VPS33B: variants seen among roughly 807,000 people sequenced by gnomAD.
The protein encoded by VPS33B is vacuolar protein sorting-associated protein 33B.
A neutral mutation model predicts 95.3 loss-of-function variants in VPS33B; 80 were observed. The observed-to-expected ratio is 0.84, with a 90% CI of 0.70 to 1.01. The LOEUF is 1.01. Among genes scored for constraint, VPS33B ranks in the 50% least tolerant of loss-of-function variants. The pLI is 0.00. For synonymous variants in VPS33B, 280 were observed against 280.4 expected (o/e 1.00, Z 0.01); for missense variants, 715 against 773.4 (o/e 0.92, Z 0.90).
chr15:91,009,300 C>T lies in VPS33B; in HGVS notation c.403+501G>A, dbSNP rs78599235. On this transcript the variant is annotated intron_variant, in intron 6 of 22. Coordinates refer to ENST00000333371, the MANE Select transcript of VPS33B (RefSeq NM_018668.5). This position sits in a 1 kb window ranked among gnomAD's most constrained non-coding sequence, Gnocchi z 4.1. ...CTTTTCTTTTATTTTCTTTCTCTCT[C>T]TCTTTCTTTCTTCCTTCCTTCCTTT... Among the ~76,000 whole-genome samples the T allele has an allele frequency of 7.3e-5, 11 of 150,542 alleles. No homozygotes were observed. Among genetic ancestry groups the T allele is most frequent in the Admixed American group, 3.3e-4 (5 of 15,060 alleles).
In VPS33B at chr15:91,006,245, C is replaced by A; in HGVS notation, c.852+127G>T. The A allele has an allele frequency of 6.9e-7, 1 of 1,446,752 alleles. No homozygotes were observed. The highest frequency in any genetic ancestry group is 9.7e-7 in the Non-Finnish European group (1 of 1,030,946). 89.6% of individuals were successfully genotyped at this position (1,446,752 alleles called of 1,614,324 possible). On this transcript the variant is annotated intron_variant, in intron 11 of 22. Transcript: ENST00000333371. The surrounding 1 kb of genome is among the most constrained non-coding windows in gnomAD (Gnocchi z 5.4). ...AGATGCTCTGAACTGGTGGGGAAACCCTCTCTCCCATAGACTCAGCCTCCC... is the reference window on the plus strand; with the variant it reads ...AGATGCTCTGAACTGGTGGGGAAACACTCTCTCCCATAGACTCAGCCTCCC...
chr15:91,009,941 T>C lies in VPS33B; in HGVS notation c.358-95A>G, dbSNP rs985678849. The C allele has an allele frequency of 7.7e-6, 11 of 1,435,692 alleles. No individual in the cohort carries two copies. Among genetic ancestry groups the C allele is most frequent in the Admixed American group, 3.4e-5 (2 of 58,626 alleles). 88.9% of individuals were successfully genotyped at this position (1,435,692 alleles called of 1,614,324 possible). On this transcript the variant is annotated intron_variant, in intron 5 of 22. Transcript: ENST00000333371. The surrounding 1 kb of genome is among the most constrained non-coding windows in gnomAD (Gnocchi z 4.1). ...CTGTGGTCACTGATGAGGACAATAA[T>C]TGCCGAACCCAGTGAAAGACAAGAG...
At chr15:91,003,178 G>T in intron 16 of VPS33B, 47 bp from the exon 17 acceptor site, 8 of 1,595,766 alleles carry the variant, frequency 5.0e-6, no homozygotes, top group Non-Finnish European at 6.9e-6. Flanking sequence ...GAGGCCGGCA[G>T]AGGCACCCTA....
At position 91,000,432 on chromosome 15, in the gene VPS33B, A is replaced by G. The variant is rs1188711537; in HGVS notation, c.1581+58T>C. The G allele has an allele frequency of 4.1e-6, 6 of 1,481,238 alleles. No homozygotes were observed. The highest frequency in any genetic ancestry group is 5.6e-6 in the Non-Finnish European group (6 of 1,070,474). 91.8% of individuals were successfully genotyped at this position (1,481,238 alleles called of 1,614,324 possible). On this transcript the variant is annotated intron_variant, in intron 20 of 22. Transcript: ENST00000333371. This position sits in a 1 kb window ranked among gnomAD's most constrained non-coding sequence, Gnocchi z 4.9. ...AAAAAAACATTGAGACACGCCAGGG[A>G]CCAAGAGAAAGCAGAGAGAATGAAA...
Position 91,007,574 on chromosome 15 carries a change from C to T in VPS33B, c.499-1G>A. 1 of 1,613,878 alleles carries T rather than the reference C, an allele frequency of 6.2e-7. No individual in the cohort carries two copies. The highest frequency in any genetic ancestry group is 8.5e-7 in the Non-Finnish European group (1 of 1,179,898). On this transcript the variant is annotated splice_acceptor_variant, in intron 7 of 22. Transcript: ENST00000333371. LOFTEE classifies it high-confidence loss of function. The surrounding 1 kb of genome is among the most constrained non-coding windows in gnomAD (Gnocchi z 5.3). ...TGTTGATCCAACGCTGATCTCCTTC[C>T]TGCAGGGACCACACAAGCCACAAAG...
Position 90,999,033 on chromosome 15 carries a change from G to T in VPS33B, c.1796C>A (p.Thr599Lys), listed in dbSNP as rs576626726. The change falls in exon 23 of 23, where the codon ACG becomes AAG. Residue 599 changes from threonine (T) to lysine (K), a missense_variant. Coordinates refer to ENST00000333371, the MANE Select transcript of VPS33B (RefSeq NM_018668.5). This position sits in a 1 kb window ranked among gnomAD's most constrained non-coding sequence, Gnocchi z 5.1. ...REKGYRFIFL[T>K]TAVTNSARLM... The stretch of plus-strand genomic sequence containing the variant: ...GCGAGCGCTGTTTGTGACTGCTGTC[G>T]TCAGGAAAATGAACCTGTAGCCTAA... 13 of 1,614,026 alleles carry T rather than the reference G, an allele frequency of 8.1e-6. No individual in the cohort carries two copies. In the South Asian group the frequency reaches 1.4e-4, roughly 18 times the overall value.
rs1198081998 is a variant in VPS33B at position 91,005,188 on chromosome 15, GTC to G, written c.1106-71_1106-70del. The G allele has an allele frequency of 2.5e-6, 4 of 1,613,422 alleles. No individual in the cohort carries two copies. In the African/African-American group the frequency reaches 5.3e-5, roughly 22 times the overall value. ...GCTGCTGCCATCTATGCTAACAGGT[GTC>G]TGTCTCCCCATCTCTTTCTCCATCC... On this transcript the variant is annotated intron_variant, in intron 14 of 22. Coordinates refer to ENST00000333371, the MANE Select transcript of VPS33B (RefSeq NM_018668.5). The surrounding 1 kb of genome is among the most constrained non-coding windows in gnomAD (Gnocchi z 6.4).
intron 1 of VPS33B, among the ~76,000 whole-genome samples, chr15:91,021,414 T>C (rs1413088138): frequency 6.6e-6 from 1 of 152,208 alleles, no homozygotes. Flanking sequence ...AACTTAAAAA[T>C]CCATCACTTT....
rs2041131941 is a variant in VPS33B at position 91,022,396 on chromosome 15, C to T, written c.-147G>A. On this transcript the variant is annotated 5_prime_UTR_variant, in exon 1 of 23. Transcript: ENST00000333371. The stretch of plus-strand genomic sequence containing the variant: ...CAGATGGGCCCTCGCTCCTCAGCAG[C>T]ACTCCAGGAATGAATGGCCACCTCC... The T allele has an allele frequency of 2.8e-6, 2 of 726,266 alleles. No individual in the cohort carries two copies. Among genetic ancestry groups the T allele is most frequent in the Admixed American group, 2.9e-5 (1 of 33,926 alleles). The allele number at this position is 726,266 out of a possible 1,614,324, so 45.0% of individuals were successfully genotyped here.
Position 91,005,793 on chromosome 15 carries a change from A to C in VPS33B, c.940-9T>G. On this transcript the variant is annotated splice_polypyrimidine_tract_variant and intron_variant, in intron 12 of 22. Coordinates refer to ENST00000333371, the MANE Select transcript of VPS33B (RefSeq NM_018668.5). This position sits in a 1 kb window ranked among gnomAD's most constrained non-coding sequence, Gnocchi z 6.4. The stretch of plus-strand genomic sequence containing the variant: ...TCCATGCCTCTCCGGCGCTGTGGGA[A>C]AATTCCCAAAGGTGAACCCCCCAAC... 6.2e-7 allele frequency: 1 copy of C among 1,614,164 alleles called. No homozygotes were observed. Among genetic ancestry groups the C allele is most frequent in the Non-Finnish European group, 8.5e-7 (1 of 1,180,030 alleles).
chr15:91,013,974 T>C lies in VPS33B; in HGVS notation c.290-103A>G, dbSNP rs558248035. 5.5e-5 allele frequency: 77 copies of C among 1,402,832 alleles called. No homozygotes were observed. In the African/African-American group the frequency reaches 9.2e-4, roughly 17 times the overall value. 86.9% of individuals were successfully genotyped at this position (1,402,832 alleles called of 1,614,324 possible). A position where few individuals can be genotyped will look rare whatever the true frequency, so the allele number is the denominator to read the frequency against. ...TGGTTCACGCCTGTAATCCCAGCAC[T>C]TGGGAGGCTGAGGCGGGTGGATCAC... On this transcript the variant is annotated intron_variant, in intron 4 of 22. Transcript: ENST00000333371. This position sits in a 1 kb window ranked among gnomAD's most constrained non-coding sequence, Gnocchi z 4.5.
At chr15:91,020,602 C>A (rs895386971) in intron 1 of VPS33B, among the ~76,000 whole-genome samples, 2 of 152,176 alleles carry the variant, frequency 1.3e-5, no homozygotes, top group Middle Eastern at 6.8e-3. Context: ...AGAAAGAAGC[C>A]GGGAGTGGTA....
Position 90,999,291 on chromosome 15 carries a change from A to C in VPS33B, c.1775-237T>G. 1 of 597,142 alleles carries C rather than the reference A, an allele frequency of 1.7e-6. No individual in the cohort carries two copies. The highest frequency in any genetic ancestry group is 2.0e-5 in the South Asian group (1 of 51,094). 37.0% of individuals were successfully genotyped at this position (597,142 alleles called of 1,614,324 possible). A position where few individuals can be genotyped will look rare whatever the true frequency, so the allele number is the denominator to read the frequency against. ...AGTTGTATTCTGAGGCCAGGAGAAA[A>C]ATATTCCTGTGCAGGACACTTTGCG... On this transcript the variant is annotated intron_variant, in intron 22 of 22. Coordinates refer to ENST00000333371, the MANE Select transcript of VPS33B (RefSeq NM_018668.5). This position sits in a 1 kb window ranked among gnomAD's most constrained non-coding sequence, Gnocchi z 5.1.
chr15:91,017,839 G>A lies in VPS33B; in HGVS notation c.143C>T (p.Pro48Leu). Residue 48 changes from proline to leucine, a missense_variant, in exon 2 of 23, where the codon CCT becomes CTT. By Grantham distance (98) the Pro-to-Leu change is moderately conservative (BLOSUM62 -3). Transcript: ENST00000333371. ...DLFIEADLMS[P>L]LDRIANVSIL... ...GGAGACATTGGCAATTCGATCCAAA[G>A]GGCTCATGAGATCTGCCTCAATGAA... 2 of 1,614,120 alleles carry A rather than the reference G, an allele frequency of 1.2e-6. No homozygotes were observed. The highest frequency in any genetic ancestry group is 1.7e-6 in the Non-Finnish European group (2 of 1,179,998).
chr15:91,014,310 G>T (rs756487722), intron 4 of VPS33B, 74 bp downstream of exon 4: 457 of 1,441,262 alleles, frequency 3.2e-4, no homozygotes, highest in Non-Finnish European at 3.6e-4. Context: ...CTTATTAGAG[G>T]GTCCTTATGG....
chr15:91,001,719 G>T (rs1176933203), intron 18 of VPS33B, among the ~76,000 whole-genome samples: 1 of 152,066 alleles, frequency 6.6e-6, no homozygotes, highest in African/African-American at 2.4e-5. Context: ...TATGTGCTTT[G>T]GGAGTTAAAC....
In VPS33B at chr15:90,999,296, T is replaced by C; in HGVS notation, c.1775-242A>G. ...TATTCTGAGGCCAGGAGAAAAATAT[T>C]CCTGTGCAGGACACTTTGCGTGTTT... On this transcript the variant is annotated intron_variant, in intron 22 of 22. Transcript: ENST00000333371. The surrounding 1 kb of genome is among the most constrained non-coding windows in gnomAD (Gnocchi z 5.1). 2 of 591,982 alleles carry C rather than the reference T, an allele frequency of 3.4e-6. No individual in the cohort carries two copies. The highest frequency in any genetic ancestry group is 6.0e-6 in the Non-Finnish European group (2 of 334,054). The allele number at this position is 591,982 out of a possible 1,614,324, so 36.7% of individuals were successfully genotyped here.
rs1485023236 is a variant in VPS33B, at chr15:91,009,269, T to C, written c.403+532A>G. Reference sequence around the variant, plus strand: ...CTTTTCCCTCCCTCCCTCTCTCTCTTTCTCTCTTTTCTTTTATTTTCTTTC... The same window carrying C: ...CTTTTCCCTCCCTCCCTCTCTCTCTCTCTCTCTTTTCTTTTATTTTCTTTC... On this transcript the variant is annotated intron_variant, in intron 6 of 22. Coordinates refer to ENST00000333371, the MANE Select transcript of VPS33B (RefSeq NM_018668.5). The surrounding 1 kb of genome is among the most constrained non-coding windows in gnomAD (Gnocchi z 4.1). Among the ~76,000 whole-genome samples the C allele has an allele frequency of 5.4e-5, 8 of 148,574 alleles. No individual in the cohort carries two copies. The highest frequency in any genetic ancestry group is 3.0e-5 in the Non-Finnish European group (2 of 67,796).
chr15:91,003,918 TTCTC>T (rs1249899188), intron 16 of VPS33B, among the ~76,000 whole-genome samples: 4 of 152,140 alleles, frequency 2.6e-5, no homozygotes, highest in Non-Finnish European at 5.9e-5. Context: ...AAGCAAATAC[TTCTC>T]TGAGTAGAAA....
Sources: allele counts gnomAD v4.1 joint callset (sites outside exome capture counted in the v4.1 genomes callset), GRCh38; gene constraint gnomAD v4.1.1; non-coding constraint Gnocchi (gnomAD v3.1); transcripts MANE v1.5; gene names NCBI Gene and HGNC (gene_info 2026-07-23, HGNC 2026-07-21).